TEX14: variants seen among roughly 807,000 people sequenced by gnomAD.
TEX14 encodes the protein testis expressed 14, intercellular bridge forming factor.
Under a neutral mutation model 178.6 loss-of-function variants are expected in TEX14, and 168 were observed. The ratio of observed to expected loss-of-function variants is 0.94; its 90% CI spans 0.83 to 1.07. TEX14 has a LOEUF of 1.07. Ranked by LOEUF, TEX14 falls within the 50% of genes least tolerant of loss-of-function variation. The pLI is 0.00. For synonymous variants in TEX14, 626 were observed against 634.1 expected, an observed-to-expected ratio of 0.99 and a Z score of 0.19; for missense variants, 1,730 against 1,753.6, an observed-to-expected ratio of 0.99 and a Z score of 0.24.
intron 11 of TEX14, among the ~76,000 whole-genome samples, chr17:58,604,656 G>A (rs2045561831): frequency 6.6e-6 from 1 of 150,614 alleles, no homozygotes; most frequent in Admixed American, 6.6e-5. Flanking sequence ...TGCCTCCCAG[G>A]TTCAAGTGAT....
chr17:58,648,561 C>T (rs1437551012), intron 2 of TEX14, among the ~76,000 whole-genome samples: 1 of 152,136 alleles, frequency 6.6e-6, no homozygotes, highest in Non-Finnish European at 1.5e-5. Flanking sequence ...CTTCTTGCCT[C>T]CTCAACTCCA....
intron 2 of TEX14, among the ~76,000 whole-genome samples, chr17:58,643,502 T>C (rs1230939109): frequency 1.3e-5 from 2 of 151,782 alleles, no homozygotes; most frequent in Non-Finnish European, 2.9e-5. Flanking sequence ...TGCAGTGGCA[T>C]GTGAGTCTGT....
chr17:58,605,106 T>C lies in TEX14; in HGVS notation c.1208A>G (p.Asp403Gly), dbSNP rs757070433. 34 of 1,613,958 alleles carry C rather than the reference T, an allele frequency of 2.1e-5. No individual in the cohort carries two copies. The highest frequency in any genetic ancestry group is 2.9e-5 in the Non-Finnish European group (34 of 1,179,998). Residue 403 changes from aspartate (D) to glycine (G), a missense_variant, in exon 11 of 32, where the codon GAC becomes GGC. Physicochemically the swap from Asp to Gly is moderately conservative, Grantham distance 94. Coordinates refer to ENST00000349033, the MANE Select transcript of TEX14 (RefSeq NM_031272.5). ...LESEDRGVQR[D>G]LTRVPLPTQL... ...CGTAGGAAGGGGCACTCGAGTCAGG[T>C]CCCTCTGTACACCTCTGTCCTCGCT...
In TEX14 at chr17:58,591,143, A is replaced by G. The variant is rs553860591; in HGVS notation, c.2576+2412T>C. On this transcript the variant is annotated intron_variant, in intron 15 of 31. Coordinates refer to ENST00000349033, the MANE Select transcript of TEX14 (RefSeq NM_031272.5). ...TGGCTATGTCATCCCATTTGCTTCT[A>G]TCAGTGGTGTGAGTGCCAAACACTC... Among the ~76,000 whole-genome samples the G allele has an allele frequency of 4.6e-5, 7 of 152,260 alleles. No individual in the cohort carries two copies. The East Asian group carries it at 1.2e-3, about 25-fold the overall frequency.
intron 2 of TEX14, among the ~76,000 whole-genome samples, chr17:58,632,115 C>CGACTATAAAGCGCGCCGGAGCGCCA (rs1193211705): frequency 2.6e-5 from 4 of 152,210 alleles, no homozygotes; most frequent in Admixed American, 2.6e-4. Context: ...GTAACGCTGA[C>CGACTATAAAGCGCGCCGGAGCGCCA]GACTATAAAG....
At chr17:58,678,818 T>TATA (rs56142259) in intron 1 of TEX14, among the ~76,000 whole-genome samples, 26,491 of 137,074 alleles carry the variant, frequency 0.19, 2,957 homozygotes, top group Admixed American at 0.26. Context: ...GAACTTAAAG[T>TATA]ATAATAATAA....
At chr17:58,635,489 G>C (rs2046414820) in intron 2 of TEX14, among the ~76,000 whole-genome samples, 1 of 150,634 alleles carries the variant, frequency 6.6e-6, no homozygotes, top group Non-Finnish European at 1.5e-5. Flanking sequence ...GAGTACAGTG[G>C]CATGATCTTG....
chr17:58,655,196 T>C (rs899129804), intron 1 of TEX14, among the ~76,000 whole-genome samples: 1 of 151,766 alleles, frequency 6.6e-6, no homozygotes, highest in African/African-American at 2.4e-5. Flanking sequence ...CTTTTTTTTC[T>C]TTTTGAGGAA....
chr17:58,661,529 A>T (rs1193725389), intron 1 of TEX14: 1 of 778,302 alleles, frequency 1.3e-6, no homozygotes, highest in South Asian at 1.3e-5. Context: ...TTCGTCCAGA[A>T]GCTGTTTGCT....
At chr17:58,623,082 G>A (rs1003961103) in intron 3 of TEX14, 70 bp from the exon 4 acceptor site, 11 of 1,421,404 alleles carry the variant, frequency 7.7e-6, no homozygotes, top group South Asian at 2.6e-5. Flanking sequence ...GGGGCTCAGC[G>A]TGCAACACAG....
intron 2 of TEX14, among the ~76,000 whole-genome samples, chr17:58,634,491 C>G (rs1032032061): frequency 6.6e-6 from 1 of 152,166 alleles, no homozygotes; most frequent in Middle Eastern, 3.2e-3. Context: ...ACATGTCTTA[C>G]TGCTCAGGGC....
chr17:58,632,131 C>T, intron 2 of TEX14, among the ~76,000 whole-genome samples: 1 of 152,212 alleles, frequency 6.6e-6, no homozygotes, highest in Non-Finnish European at 1.5e-5. Context: ...TAAAGCGCGC[C>T]GGAGCGCCAG....
chr17:58,561,699 G>A (rs1318482503), intron 28 of TEX14, 87 bp from the exon 29 acceptor site: 1 of 881,194 alleles, frequency 1.1e-6, no homozygotes, highest in East Asian at 2.4e-5. Flanking sequence ...GAGTAGAAAG[G>A]GACCTTAAAA....
intron 3 of TEX14, among the ~76,000 whole-genome samples, chr17:58,628,493 A>G (rs1397719469): frequency 1.3e-5 from 2 of 152,148 alleles, no homozygotes; most frequent in South Asian, 2.1e-4. Flanking sequence ...CGGGCGGATC[A>G]TGAGGTCAGG....
intron 2 of TEX14, among the ~76,000 whole-genome samples, chr17:58,650,147 T>G (rs990223425): frequency 6.6e-6 from 1 of 152,000 alleles, no homozygotes; most frequent in Non-Finnish European, 1.5e-5. Context: ...AACCTCTGCC[T>G]CCTGAGTTCA....
At chr17:58,603,914 TG>T (rs1334911402) in intron 11 of TEX14, among the ~76,000 whole-genome samples, 1 of 149,296 alleles carries the variant, frequency 6.7e-6, no homozygotes, top group Admixed American at 6.7e-5. Context: ...TGTGTGTGTG[TG>T]TGTGTGTGTG....
Position 58,621,747 on chromosome 17 carries a change from C to A in TEX14, c.457G>T (p.Ala153Ser). ...TCGTAAGAGAAGCCCTGGATGATGGCCTGCATGTGTGAGGCACAGCGCTGC... is the reference window on the plus strand; with the variant it reads ...TCGTAAGAGAAGCCCTGGATGATGGACTGCATGTGTGAGGCACAGCGCTGC... Reference protein sequence around the residue: ...FMQRCASHMQAIIQGFSYDLL... With the variant: ...FMQRCASHMQSIIQGFSYDLL... Residue 153 changes from alanine to serine, a missense_variant, in exon 5 of 32, where the codon GCC (alanine) becomes TCC (serine). Ala to Ser is a moderately conservative substitution (Grantham distance 99). Around this residue, in one of 2 missense-constraint regions of TEX14, gnomAD observed 789 missense variants for 681.2 expected, o/e 1.16. Transcript: ENST00000349033. The A allele has an allele frequency of 6.2e-7, 1 of 1,614,156 alleles. No individual in the cohort carries two copies. Among genetic ancestry groups the A allele is most frequent in the Non-Finnish European group, 8.5e-7 (1 of 1,180,014 alleles).
Position 58,587,627 on chromosome 17 carries a change from T to C in TEX14, c.2742A>G (p.Ala914=), listed in dbSNP as rs748702230. 3.1e-6 allele frequency: 5 copies of C among 1,608,244 alleles called. No homozygotes were observed. The Admixed American group carries it at 8.6e-5, about 28-fold the overall frequency. The change falls in exon 17 of 32, where the codon GCA becomes GCG. Residue 914 remains alanine, a synonymous_variant. Coordinates refer to ENST00000349033, the MANE Select transcript of TEX14 (RefSeq NM_031272.5). ...VEPVSSEIYN[A]ESRNKDDGKV... ...TTCCATCATCTTTATTTCTGGACTCTGCATTATAGATTTCAGAAGAAACAG... is the reference window on the plus strand; with the variant it reads ...TTCCATCATCTTTATTTCTGGACTCCGCATTATAGATTTCAGAAGAAACAG...
At chr17:58,685,957 C>T (rs887003799) in intron 1 of TEX14, among the ~76,000 whole-genome samples, 9 of 144,472 alleles carry the variant, frequency 6.2e-5, no homozygotes, top group South Asian at 4.4e-4. Context: ...ATCACACCAC[C>T]GCACTCCAGC....
Sources: gnomAD v4.1 joint callset for allele counts (sites outside exome capture counted in the v4.1 genomes callset) on GRCh38, gnomAD v4.1.1 for gene constraint, gnomAD v4.1.1 regional missense constraint, MANE v1.5 for transcripts, NCBI Gene and HGNC (gene_info 2026-07-23, HGNC 2026-07-21) for gene names.